Variants in MYRIP observed in about 807,000 individuals in gnomAD.
The protein encoded by MYRIP is myosin VIIA and Rab interacting protein.
Under a neutral mutation model 98.0 loss-of-function variants are expected in MYRIP, and 49 were observed. The observed-to-expected ratio is 0.50, with a 90% confidence interval of 0.40 to 0.63. The LOEUF (loss-of-function observed/expected upper bound fraction) is 0.63. MYRIP is among the 30% of genes least tolerant of loss of function. The pLI is 0.00. For synonymous variants in MYRIP, 404 were observed against 409.5 expected, an observed-to-expected ratio of 0.99 and a Z score of 0.16; for missense variants, 1,004 against 1,058.2, an observed-to-expected ratio of 0.95 and a Z score of 0.71.
chr3:40,163,723 A>G (rs567862301), intron 5 of MYRIP, among the ~76,000 whole-genome samples: 2 of 152,026 alleles, frequency 1.3e-5, no homozygotes, highest in Non-Finnish European at 2.9e-5. Flanking sequence ...GAATTATACC[A>G]CTGCTCTTAT....
intron 8 of MYRIP, chr3:40,173,241 A>G (rs962911213): frequency 4.7e-4 from 72 of 152,362 alleles, no homozygotes; most frequent in African/African-American, 1.7e-3. Context: ...TTACAAAGGA[A>G]TAAACGGAAT....
At chr3:40,116,240 C>G (rs569897832) in intron 3 of MYRIP, among the ~76,000 whole-genome samples, 70 of 152,280 alleles carry the variant, frequency 4.6e-4, no homozygotes, top group African/African-American at 1.6e-3. Context: ...CTTTAGCCAG[C>G]TTTAGCCTAG....
At chr3:40,211,270 A>G (rs1434211602) in intron 11 of MYRIP, among the ~76,000 whole-genome samples, 1 of 152,160 alleles carries the variant, frequency 6.6e-6, no homozygotes, top group Non-Finnish European at 1.5e-5. Flanking sequence ...CTGTGTCCCA[A>G]GTATATACTG....
intron 3 of MYRIP, among the ~76,000 whole-genome samples, chr3:40,135,603 G>A (rs1559415434): frequency 6.6e-6 from 1 of 152,176 alleles, no homozygotes; most frequent in Non-Finnish European, 1.5e-5. Flanking sequence ...AACTTGAAAT[G>A]AAGGAAAAAA....
chr3:39,973,504 G>A lies in MYRIP; in HGVS notation c.111-70546G>A, dbSNP rs950929545. ...ATTAGACAGATCAACGAGACAGAAA[G>A]TTAACAAAGATATCCAGGAACTGAA... On this transcript the variant is annotated intron_variant, in intron 2 of 16. Transcript: ENST00000302541. 5.9e-5 allele frequency among the ~76,000 whole-genome samples: 9 copies of A among 152,188 alleles called. No individual in the cohort carries two copies. The East Asian group carries it at 1.2e-3, about 20-fold the overall frequency.
intron 1 of MYRIP, among the ~76,000 whole-genome samples, chr3:39,814,904 A>T (rs1363813837): frequency 6.6e-6 from 1 of 152,152 alleles, no homozygotes; most frequent in Admixed American, 6.5e-5. Flanking sequence ...CTATCTCTAT[A>T]CATTATTTTG....
At chr3:40,102,383 G>A (rs1298671865) in intron 3 of MYRIP, among the ~76,000 whole-genome samples, 3 of 152,144 alleles carry the variant, frequency 2.0e-5, no homozygotes, top group Non-Finnish European at 2.9e-5. Context: ...GCTTCCCACT[G>A]CAGCATCAGG....
intron 2 of MYRIP, among the ~76,000 whole-genome samples, chr3:39,968,133 G>A (rs1484294987): frequency 6.6e-6 from 1 of 151,734 alleles, no homozygotes; most frequent in Admixed American, 6.6e-5. Flanking sequence ...TGTCTTTGCC[G>A]TGAAATCTTT....
Position 39,900,920 on chromosome 3 carries a change from G to T in MYRIP, c.104G>T (p.Arg35Leu). Residue 35 changes from arginine (R) to leucine (L), a missense_variant, in exon 2 of 17, where the codon CGA (arginine) becomes CTA (leucine). Arg to Leu is a moderately radical substitution (Grantham distance 102). Around this residue, in one of 3 missense-constraint regions of MYRIP, gnomAD observed 880 missense variants for 907.7 expected, o/e 0.97. Transcript: ENST00000302541. Reference sequence around the variant, plus strand: ...AATCTTCGCAAAAAAGAAGAAGAACGACTAAGGTGAGATGCCTGTTTTGCT... The same window carrying T: ...AATCTTCGCAAAAAAGAAGAAGAACTACTAAGGTGAGATGCCTGTTTTGCT... ...DFNLRKKEEE[R>L]LSELKQKLDE... 1 of 1,611,252 alleles carries T rather than the reference G, an allele frequency of 6.2e-7. No homozygotes were observed. The highest frequency in any genetic ancestry group is 1.1e-5 in the South Asian group (1 of 91,026).
intron 2 of MYRIP, among the ~76,000 whole-genome samples, chr3:40,036,620 C>T (rs374386173): frequency 4.6e-5 from 7 of 151,988 alleles, no homozygotes; most frequent in Admixed American, 6.6e-5. Context: ...ATAAAAAATA[C>T]GCTTTCTGAA....
chr3:40,202,799 G>T (rs1177400848), intron 10 of MYRIP, among the ~76,000 whole-genome samples: 1 of 152,104 alleles, frequency 6.6e-6, no homozygotes, highest in Non-Finnish European at 1.5e-5. Context: ...AACATCCCGT[G>T]CACAGTGCCC....
In MYRIP at chr3:39,917,023, C is replaced by T. The variant is rs182577211; in HGVS notation, c.110+16097C>T. On this transcript the variant is annotated intron_variant, in intron 2 of 16. Coordinates refer to ENST00000302541, the MANE Select transcript of MYRIP (RefSeq NM_015460.4). Reference sequence around the variant, plus strand: ...TAACTAACCATTTAAAGCCAAAACTCTCCCTGAGCAATTGACTAAGTAACT... The same window carrying T: ...TAACTAACCATTTAAAGCCAAAACTTTCCCTGAGCAATTGACTAAGTAACT... Among the ~76,000 whole-genome samples, 252 of 152,226 alleles carry T rather than the reference C, an allele frequency of 1.7e-3. 1 individual carries two copies. The highest frequency in any genetic ancestry group is 5.6e-3 in the African/African-American group (232 of 41,564).
intron 3 of MYRIP, among the ~76,000 whole-genome samples, chr3:40,096,756 G>A (rs547238668): frequency 3.5e-4 from 53 of 152,334 alleles, no homozygotes; most frequent in African/African-American, 1.2e-3. Flanking sequence ...GGCTGAGAGC[G>A]TGGATCACAA....
chr3:40,089,099 G>A (rs529638222), intron 3 of MYRIP, among the ~76,000 whole-genome samples: 20 of 152,184 alleles, frequency 1.3e-4, no homozygotes, highest in African/African-American at 3.6e-4. Context: ...CTTACAGGGC[G>A]GATGATGCAT....
intron 3 of MYRIP, among the ~76,000 whole-genome samples, chr3:40,111,266 CCAGAT>C (rs1559405079): frequency 6.6e-6 from 1 of 152,110 alleles, no homozygotes; most frequent in Non-Finnish European, 1.5e-5. Context: ...AGCTTCGAGA[CCAGAT>C]CATTTGTAGA....
rs143199713 is a variant in MYRIP at position 39,925,788 on chromosome 3, A to T, written c.110+24862A>T. On this transcript the variant is annotated intron_variant, in intron 2 of 16. Transcript: ENST00000302541. ...GCTATTGTGAATAGTGCTGCAATGA[A>T]CATATGAGTGCATATGTCTTTTTTG... Among the ~76,000 whole-genome samples the T allele has an allele frequency of 6.2e-3, 946 of 152,250 alleles. 17 individuals are homozygous for T. Among genetic ancestry groups the T allele is most frequent in the African/African-American group, 0.021 (879 of 41,560 alleles).
intron 2 of MYRIP, among the ~76,000 whole-genome samples, chr3:40,017,204 G>C (rs1047840630): frequency 2.6e-5 from 4 of 152,186 alleles, no homozygotes; most frequent in African/African-American, 9.7e-5. Flanking sequence ...TGCACATCCA[G>C]GAATGAAGCA....
chr3:40,050,793 G>A (rs1041899724), intron 3 of MYRIP, among the ~76,000 whole-genome samples: 9 of 152,224 alleles, frequency 5.9e-5, no homozygotes, highest in East Asian at 1.9e-4. Flanking sequence ...ATTAACAGGC[G>A]TTTGGAAAAA....
In MYRIP at chr3:40,210,113, C is replaced by A; in HGVS notation, c.1905+20C>A. The A allele has an allele frequency of 6.2e-7, 1 of 1,610,742 alleles. No individual in the cohort carries two copies. The highest frequency in any genetic ancestry group is 8.5e-7 in the Non-Finnish European group (1 of 1,178,718). ...AAGAAGGTAAGGGCTGTGAAGCCAC[C>A]TGCAGACAGCTCAAGCTTCTGCAGT... On this transcript the variant is annotated intron_variant, in intron 11 of 16. Transcript: ENST00000302541.
Sources: allele counts gnomAD v4.1 joint callset (sites outside exome capture counted in the v4.1 genomes callset), GRCh38; gene constraint gnomAD v4.1.1; regional missense constraint gnomAD v4.1.1; transcripts MANE v1.5; gene names NCBI Gene and HGNC (gene_info 2026-07-23, HGNC 2026-07-21).